PHACTR3: variants seen among roughly 807,000 people sequenced by gnomAD.
The protein encoded by PHACTR3 is protein phosphatase 1, regulatory subunit 123.
A neutral mutation model predicts 66.8 loss-of-function variants in PHACTR3; 16 were observed. That is an observed-to-expected ratio of 0.24 (90% CI 0.16 to 0.36). The LOEUF (loss-of-function observed/expected upper bound fraction) is 0.36, where lower values mean the gene tolerates loss of function less well. Ranked by LOEUF, PHACTR3 falls within the 10% of genes least tolerant of loss-of-function variation. PHACTR3 has a pLI of 1.00. For synonymous variants in PHACTR3, 323 were observed against 292.1 expected, an observed-to-expected ratio of 1.11 and a Z score of -1.08; for missense variants, 647 against 719.9, an observed-to-expected ratio of 0.90 and a Z score of 1.16.
intron 1 of PHACTR3, among the ~76,000 whole-genome samples, chr20:59,577,874 G>T (rs1442512161): frequency 1.3e-5 from 2 of 152,248 alleles, no homozygotes; most frequent in Non-Finnish European, 2.9e-5. Context: ...AAGCGCTGGC[G>T]TTGGGGTCGA....
chr20:59,595,060 G>T (rs1015539444), intron 1 of PHACTR3, among the ~76,000 whole-genome samples: 1 of 152,178 alleles, frequency 6.6e-6, no homozygotes. Flanking sequence ...GGCACATGAG[G>T]TGTGTTATTC....
chr20:59,632,107 G>T (rs2034687324), intron 1 of PHACTR3, among the ~76,000 whole-genome samples: 1 of 152,190 alleles, frequency 6.6e-6, no homozygotes, highest in East Asian at 1.9e-4. Context: ...CTCGTCTAAT[G>T]CTACCACATG....
chr20:59,732,559 A>G (rs1321923912), intron 1 of PHACTR3, among the ~76,000 whole-genome samples: 3 of 152,096 alleles, frequency 2.0e-5, no homozygotes, highest in Non-Finnish European at 4.4e-5. Flanking sequence ...TAGCACCTCC[A>G]CTAACCAGTA....
At chr20:59,781,684 T>C (rs1601342599) in intron 7 of PHACTR3, among the ~76,000 whole-genome samples, 1 of 152,210 alleles carries the variant, frequency 6.6e-6, no homozygotes, top group Admixed American at 6.5e-5. Flanking sequence ...GCTAATATAC[T>C]GTGTACTTTA....
intron 1 of PHACTR3, among the ~76,000 whole-genome samples, chr20:59,627,158 G>T (rs2034483039): frequency 6.6e-6 from 1 of 152,206 alleles, no homozygotes; most frequent in Non-Finnish European, 1.5e-5. Flanking sequence ...TCCCAGGCAT[G>T]CATCCTTTAG....
intron 11 of PHACTR3, chr20:59,843,679 CAACTTGAAGAAT>C (rs1414997290): frequency 6.6e-6 from 1 of 151,924 alleles, no homozygotes; most frequent in South Asian, 2.1e-4. Context: ...ATACAAAAAT[CAACTTGAAGAAT>C]AAAGACTTAA....
chr20:59,578,522 C>A (rs1169595123), intron 1 of PHACTR3, among the ~76,000 whole-genome samples: 1 of 152,206 alleles, frequency 6.6e-6, no homozygotes, highest in Non-Finnish European at 1.5e-5. Context: ...TTAGATCCAT[C>A]CGTGGTTCTT....
intron 1 of PHACTR3, among the ~76,000 whole-genome samples, chr20:59,742,265 TG>T (rs1331897706): frequency 6.6e-6 from 1 of 152,104 alleles, no homozygotes; most frequent in Non-Finnish European, 1.5e-5. Context: ...TGCACACAGG[TG>T]GTTGACAGGA....
chr20:59,688,584 G>T (rs1220494100), intron 1 of PHACTR3, among the ~76,000 whole-genome samples: 1 of 152,092 alleles, frequency 6.6e-6, no homozygotes, highest in Non-Finnish European at 1.5e-5. Flanking sequence ...TCCAATCCTT[G>T]CACAGAACCC....
intron 1 of PHACTR3, among the ~76,000 whole-genome samples, chr20:59,581,179 C>G (rs779072870): frequency 9.9e-5 from 15 of 152,262 alleles, no homozygotes; most frequent in Non-Finnish European, 1.8e-4. Context: ...CTGTGCCCAC[C>G]TGACCTGCAA....
intron 6 of PHACTR3, 38 bp downstream of exon 6, chr20:59,773,491 G>C: frequency 6.5e-7 from 1 of 1,549,224 alleles, no homozygotes; most frequent in Non-Finnish European, 8.7e-7. Context: ...TGTGCTGCCA[G>C]AATCCCTGCC....
intron 1 of PHACTR3, among the ~76,000 whole-genome samples, chr20:59,595,159 A>C (rs2033289064): frequency 6.6e-6 from 1 of 152,118 alleles, no homozygotes; most frequent in South Asian, 2.1e-4. Context: ...ATATTGTATA[A>C]TTTCTTTTAA....
intron 5 of PHACTR3, among the ~76,000 whole-genome samples, chr20:59,770,881 C>A (rs554096485): frequency 1.3e-5 from 2 of 152,206 alleles, no homozygotes; most frequent in African/African-American, 4.8e-5. Context: ...CTCAACTCTG[C>A]GGGATGGGAG....
chr20:59,838,859 T>C (rs1397924362), intron 9 of PHACTR3, among the ~76,000 whole-genome samples: 2 of 151,964 alleles, frequency 1.3e-5, no homozygotes, highest in East Asian at 3.9e-4. Flanking sequence ...CATAAACATA[T>C]CACTAAGGGG....
intron 1 of PHACTR3, among the ~76,000 whole-genome samples, chr20:59,583,533 C>T (rs1325407043): frequency 1.3e-5 from 2 of 152,226 alleles, no homozygotes; most frequent in East Asian, 1.9e-4. Context: ...TTCCCAGGGC[C>T]GGCCCCAGGA....
chr20:59,633,510 G>A (rs1474069893), intron 1 of PHACTR3, among the ~76,000 whole-genome samples: 1 of 152,188 alleles, frequency 6.6e-6, no homozygotes, highest in African/African-American at 2.4e-5. Context: ...GAGTGGTGGG[G>A]GTGAGGGGAG....
intron 7 of PHACTR3, among the ~76,000 whole-genome samples, chr20:59,776,681 G>T (rs1047000211): frequency 2.0e-5 from 3 of 151,848 alleles, no homozygotes; most frequent in South Asian, 4.2e-4. Flanking sequence ...AAGAGGATGG[G>T]AATCTGCATT....
chr20:59,622,104 G>A (rs531809722), intron 1 of PHACTR3, among the ~76,000 whole-genome samples: 2 of 151,610 alleles, frequency 1.3e-5, no homozygotes, highest in East Asian at 1.9e-4. Flanking sequence ...GTACAAGTAT[G>A]TGTTTGTGTG....
At chr20:59,767,115 G>C in intron 4 of PHACTR3, 71 bp from the exon 5 acceptor site, 10 of 1,514,288 alleles carry the variant, frequency 6.6e-6, no homozygotes, top group Non-Finnish European at 9.1e-6. Context: ...AAACCCTCTT[G>C]CTTTGCTCTC....
Sources: gnomAD v4.1 joint callset for allele counts (sites outside exome capture counted in the v4.1 genomes callset) on GRCh38, gnomAD v4.1.1 for gene constraint, MANE v1.5 for transcripts, NCBI Gene and HGNC (gene_info 2026-07-23, HGNC 2026-07-21) for gene names.